Variants in SPNS3 observed in about 807,000 individuals in gnomAD.
The protein encoded by SPNS3 is SPNS lysolipid transporter 3, sphingosine-1-phosphate (putative).
A neutral mutation model predicts 54.4 loss-of-function variants in SPNS3; 51 were observed. The observed-to-expected ratio is 0.94, with a 90% CI of 0.75 to 1.18. The LOEUF (loss-of-function observed/expected upper bound fraction) is 1.18, where lower values mean the gene tolerates loss of function less well. Among genes scored for constraint, SPNS3 ranks in the 50% most tolerant of loss-of-function variants. SPNS3 has a pLI of 0.00. For missense variants in SPNS3, 669 were observed against 677.4 expected, an observed-to-expected ratio of 0.99 and a Z score of 0.14; for synonymous variants, 309 against 294.7, an observed-to-expected ratio of 1.05 and a Z score of -0.50.
rs78713556 is a variant in SPNS3, at chr17:4,460,731, C to T, written c.1113+7526C>T. Among the ~76,000 whole-genome samples, 1,106 of 151,956 alleles carry T rather than the reference C, an allele frequency of 7.3e-3. 12 individuals are homozygous for T. The highest frequency in any genetic ancestry group is 0.026 in the African/African-American group (1,057 of 41,424). On this transcript the variant is annotated intron_variant, in intron 8 of 11. Coordinates refer to ENST00000355530, the MANE Select transcript of SPNS3 (RefSeq NM_182538.5). Reference sequence around the variant, plus strand: ...TGCTGGGATTACAGGTGTGAGCCACCGTGCCTGGCTGAATTGCTGGATTTG... The same window carrying T: ...TGCTGGGATTACAGGTGTGAGCCACTGTGCCTGGCTGAATTGCTGGATTTG...
intron 7 of SPNS3, among the ~76,000 whole-genome samples, chr17:4,451,045 G>A (rs547197771): frequency 2.6e-5 from 4 of 151,974 alleles, no homozygotes; most frequent in African/African-American, 4.8e-5. Flanking sequence ...AGGGGCTGGC[G>A]GGGGTGCATT....
Position 4,451,374 on chromosome 17 carries a change from C to A in SPNS3, c.924-1642C>A, listed in dbSNP as rs576307872. On this transcript the variant is annotated intron_variant, in intron 7 of 11. Coordinates refer to ENST00000355530, the MANE Select transcript of SPNS3 (RefSeq NM_182538.5). ...TCAAGCGATTCTCCTGCCTCAGCCT[C>A]CCAAGTAGCTGGGACTACAGGCGCA... is the stretch of plus-strand genomic sequence containing the variant. Among the ~76,000 whole-genome samples, 20 of 152,052 alleles carry A rather than the reference C, an allele frequency of 1.3e-4. No homozygotes were observed. In the South Asian group the frequency reaches 3.7e-3, roughly 28 times the overall value.
At chr17:4,445,971 C>T in intron 3 of SPNS3, 77 bp from the exon 4 acceptor site, 1 of 1,513,714 alleles carries the variant, frequency 6.6e-7, no homozygotes, top group Non-Finnish European at 8.9e-7. Context: ...CCCCTTGGCT[C>T]CTCCGACAAA....
chr17:4,470,135 A>G (rs1441084641), intron 8 of SPNS3, among the ~76,000 whole-genome samples: 2 of 152,206 alleles, frequency 1.3e-5, no homozygotes, highest in African/African-American at 4.8e-5. Context: ...TTGAGATACA[A>G]TTCATGTATC....
In SPNS3 at chr17:4,434,040, G is replaced by T. The variant is rs1383601774; in HGVS notation, c.73G>T (p.Gly25Cys). Residue 25 changes from glycine to cysteine, a missense_variant, in exon 1 of 12, where the codon GGC becomes TGC. Gly to Cys is a radical substitution (Grantham distance 159). Transcript: ENST00000355530. ...TCTGCAGGGCCAGTCCCCAGGGCCA[G>T]GCAGGCAGTGTCCCCCTCCCATCAC... ...GGLQGQSPGP[G>C]RQCPPPITPT... 1.9e-6 allele frequency: 3 copies of T among 1,608,344 alleles called. No homozygotes were observed. Among genetic ancestry groups the T allele is most frequent in the Non-Finnish European group, 2.5e-6 (3 of 1,177,420 alleles).
rs567783521 is a variant in SPNS3, at chr17:4,445,647, G to A, written c.403-401G>A. ...CCACCTCGGCCTCCTAAAGTGCTGG[G>A]ATTACAGGCGTGAGCCACCATGCCT... is the stretch of plus-strand genomic sequence containing the variant. On this transcript the variant is annotated intron_variant, in intron 3 of 11. Transcript: ENST00000355530. Among the ~76,000 whole-genome samples the A allele has an allele frequency of 2.6e-5, 4 of 152,240 alleles. No homozygotes were observed. In the South Asian group the frequency reaches 8.3e-4, roughly 32 times the overall value.
At position 4,453,222 on chromosome 17, in the gene SPNS3, A is replaced by T. The variant is rs564833007; in HGVS notation, c.1113+17A>T. 5.0e-6 allele frequency: 8 copies of T among 1,605,160 alleles called. No homozygotes were observed. Among genetic ancestry groups the T allele is most frequent in the Non-Finnish European group, 6.8e-6 (8 of 1,175,488 alleles). On this transcript the variant is annotated intron_variant, in intron 8 of 11. Coordinates refer to ENST00000355530, the MANE Select transcript of SPNS3 (RefSeq NM_182538.5). ...GCCTCCTATGTAAGTGAGAGCCTCT[A>T]TGGAGGTGGGGACAGGGTTGGGGGG...
chr17:4,449,655 C>A (rs907238460), intron 7 of SPNS3, among the ~76,000 whole-genome samples: 18 of 152,042 alleles, frequency 1.2e-4, no homozygotes, highest in Non-Finnish European at 2.2e-4. Flanking sequence ...GCTGTGGGCT[C>A]CAGAAGGCAC....
chr17:4,476,578 CG>C (rs1972006933), intron 8 of SPNS3, among the ~76,000 whole-genome samples: 1 of 152,094 alleles, frequency 6.6e-6, no homozygotes, highest in Non-Finnish European at 1.5e-5. Flanking sequence ...GGGTGTGAGT[CG>C]GGCTGGGCTT....
At chr17:4,437,592 A>G (rs1970745402) in intron 1 of SPNS3, among the ~76,000 whole-genome samples, 1 of 151,972 alleles carries the variant, frequency 6.6e-6, no homozygotes, top group South Asian at 2.1e-4. Context: ...GCCTGAACCC[A>G]GGAGGCAGAG....
chr17:4,446,925 T>C lies in SPNS3; in HGVS notation c.584T>C (p.Val195Ala). 1 of 1,614,116 alleles carries C rather than the reference T, an allele frequency of 6.2e-7. No individual in the cohort carries two copies. Among genetic ancestry groups the C allele is most frequent in the Non-Finnish European group, 8.5e-7 (1 of 1,180,014 alleles). The change falls in exon 5 of 12, where the codon GTG becomes GCG. Residue 195 changes from valine to alanine, a missense_variant. Physicochemically the swap from Val to Ala is moderately conservative, Grantham distance 64. Transcript: ENST00000355530. ...CTGGGCTACGTGCTGGGGTCGGCTG[T>C]GACGATGCTGACTGGGAACTGGCGC... is the stretch of plus-strand genomic sequence containing the variant. ...SGLGYVLGSA[V>A]TMLTGNWRWA...
rs942534937 is a variant in SPNS3, at chr17:4,449,351, C to T, written c.887C>T (p.Pro296Leu). The T allele has an allele frequency of 1.7e-5, 27 of 1,607,808 alleles. No homozygotes were observed. Among genetic ancestry groups the T allele is most frequent in the Non-Finnish European group, 2.1e-5 (25 of 1,179,166 alleles). The change falls in exon 7 of 12, where the codon CCT becomes CTT. Residue 296 changes from proline (P) to leucine (L), a missense_variant. Pro to Leu is a moderately conservative substitution (Grantham distance 98). Transcript: ENST00000355530. ...GCACGCGTGGTTCACGGGCTGCAGCCTCCCTGCTTCCAGGAGCCGTGCAGC... is the reference window on the plus strand; with the variant it reads ...GCACGCGTGGTTCACGGGCTGCAGCTTCCCTGCTTCCAGGAGCCGTGCAGC... ...LEARVVHGLQ[P>L]PCFQEPCSNP...
In SPNS3 at chr17:4,487,852, A is replaced by T; in HGVS notation, c.1497A>T (p.Gln499His). The T allele has an allele frequency of 6.2e-7, 1 of 1,614,126 alleles. No homozygotes were observed. The highest frequency in any genetic ancestry group is 8.5e-7 in the Non-Finnish European group (1 of 1,179,928). Reference protein sequence around the residue: ...NDVDSNDLERQGLLSGAGAST... With the variant: ...NDVDSNDLERHGLLSGAGAST... ...TGGACAGCAACGACCTGGAGAGACA[A>T]GGCCTACTTTCGGGCGCTGGCGCCT... Residue 499 changes from glutamine to histidine, a missense_variant, in exon 12 of 12, where the codon CAA becomes CAT. By Grantham distance (24) the Gln-to-His change is conservative. Coordinates refer to ENST00000355530, the MANE Select transcript of SPNS3 (RefSeq NM_182538.5).
rs77770526 is a variant in SPNS3, at chr17:4,481,262, A to G, written c.1179+2625A>G. Among the ~76,000 whole-genome samples, 1,338 of 151,830 alleles carry G rather than the reference A, an allele frequency of 8.8e-3. 22 individuals carry two copies. Among genetic ancestry groups the G allele is most frequent in the African/African-American group, 0.03 (1,233 of 41,318 alleles). On this transcript the variant is annotated intron_variant, in intron 9 of 11. Transcript: ENST00000355530. The stretch of plus-strand genomic sequence containing the variant: ...ATGTTTGAGGGTGAGCTGGGGGTGG[A>G]ATCCAGCACTGGGGGAGGAAGTGGC...
At chr17:4,441,983 A>AGTGTGTGTGTGTGTGT (rs373836833) in intron 2 of SPNS3, among the ~76,000 whole-genome samples, 23,595 of 138,614 alleles carry the variant, frequency 0.17, 2,049 homozygotes, top group African/African-American at 0.19. Flanking sequence ...CGGAGGGAGA[A>AGTGTGTGTGTGTGTGT]GTGTGTGTGT....
At chr17:4,454,255 G>A (rs1971244239) in intron 8 of SPNS3, among the ~76,000 whole-genome samples, 1 of 152,294 alleles carries the variant, frequency 6.6e-6, no homozygotes, top group African/African-American at 2.4e-5. Context: ...CCGTGTCCCT[G>A]GCTCCCCAAA....
At chr17:4,461,513 A>G (rs1195148163) in intron 8 of SPNS3, among the ~76,000 whole-genome samples, 1 of 151,760 alleles carries the variant, frequency 6.6e-6, no homozygotes, top group East Asian at 1.9e-4. Flanking sequence ...TGTGCTGAGT[A>G]GAATCACTCT....
chr17:4,469,821 G>A (rs1039287302), intron 8 of SPNS3, among the ~76,000 whole-genome samples: 1 of 151,868 alleles, frequency 6.6e-6, no homozygotes. Flanking sequence ...GTCAAGGGTG[G>A]GACCAACAAT....
chr17:4,456,308 G>C (rs558880369), intron 8 of SPNS3, among the ~76,000 whole-genome samples: 3 of 152,196 alleles, frequency 2.0e-5, no homozygotes, highest in Non-Finnish European at 2.9e-5. Context: ...CGCAAGCAGT[G>C]GGGGGCCAAA....
Sources: gnomAD v4.1 joint callset for allele counts (sites outside exome capture counted in the v4.1 genomes callset) on GRCh38, gnomAD v4.1.1 for gene constraint, MANE v1.5 for transcripts, NCBI Gene and HGNC (gene_info 2026-07-23, HGNC 2026-07-21) for gene names.